The following DDX49 variants were observed in gnomAD, a reference collection of about 807,000 sequenced individuals.
DDX49 encodes DEAD-box helicase 49.
Under a neutral mutation model 56.3 loss-of-function variants are expected in DDX49, and 50 were observed. The ratio of observed to expected loss-of-function variants is 0.89; its 90% confidence interval spans 0.71 to 1.12. The LOEUF (loss-of-function observed/expected upper bound fraction) is 1.12. Among genes scored for constraint, DDX49 ranks in the 50% most tolerant of loss-of-function variants. The pLI, the probability that DDX49 is intolerant of heterozygous loss-of-function variation, is 0.00. For missense variants in DDX49, 614 were observed against 650.5 expected (o/e 0.94, Z 0.61); for synonymous variants, 269 against 270.6 (o/e 0.99, Z 0.06).
At chr19:18,926,269 C>A in intron 9 of DDX49, 34 bp from the exon 10 acceptor site, 2 of 1,558,892 alleles carry the variant, frequency 1.3e-6, no homozygotes, top group Non-Finnish European at 1.7e-6. Flanking sequence ...TCCTGACGCC[C>A]AGCACATAGC....
chr19:18,928,558 C>A lies in DDX49; in HGVS notation c.*242C>A. The A allele has an allele frequency of 1.9e-6, 1 of 520,556 alleles. No homozygotes were observed. Among genetic ancestry groups the A allele is most frequent in the South Asian group, 2.8e-5 (1 of 35,508 alleles). The allele number at this position is 520,556 out of a possible 1,614,324, so 32.2% of individuals were successfully genotyped here. On this transcript the variant is annotated 3_prime_UTR_variant, in exon 13 of 13. Coordinates refer to ENST00000247003, the MANE Select transcript of DDX49 (RefSeq NM_019070.5). Reference sequence around the variant, plus strand: ...AAGAACATGACCGGGAGGTTGTGACCCCAACCCAAGGTCACCCCCCAGGGG... The same window carrying A: ...AAGAACATGACCGGGAGGTTGTGACACCAACCCAAGGTCACCCCCCAGGGG...
chr19:18,921,722 A>G lies in DDX49; in HGVS notation c.299A>G (p.Lys100Arg), dbSNP rs2056918621. 1 of 1,614,054 alleles carries G rather than the reference A, an allele frequency of 6.2e-7. No homozygotes were observed. Among genetic ancestry groups the G allele is most frequent in the Non-Finnish European group, 8.5e-7 (1 of 1,180,008 alleles). The change falls in exon 3 of 13, where the codon AAA becomes AGA. Residue 100 changes from lysine to arginine, a missense_variant. Lys to Arg is a conservative substitution (Grantham distance 26, BLOSUM62 2). Transcript: ENST00000247003. ...FRVLGKPLGL[K>R]DCIIVGGMDM... is the part of the protein sequence containing the mutation. ...GTCCTGGGGAAGCCTCTAGGGCTGA[A>G]AGACTGCATCATCGTCGGTGGCATG...
At chr19:18,925,079 G>A (rs1339698496) in intron 9 of DDX49, 100 bp downstream of exon 9, 3 of 1,449,074 alleles carry the variant, frequency 2.1e-6, no homozygotes, top group South Asian at 1.3e-5. Flanking sequence ...GCCCACAGAT[G>A]AGAGCTACTC....
chr19:18,921,802 G>A (rs2056919486), intron 3 of DDX49, 41 bp from the exon 4 acceptor site: 9 of 1,614,058 alleles, frequency 5.6e-6, no homozygotes, highest in Non-Finnish European at 5.9e-6. Context: ...AGCAGCTTTG[G>A]ACCACCTGCC....
chr19:18,926,439 C>A, intron 10 of DDX49, 62 bp downstream of exon 10: 2 of 769,922 alleles, frequency 2.6e-6, no homozygotes, highest in South Asian at 3.0e-5. Context: ...GTGGGCACCT[C>A]GGGGTGAGAC....
At chr19:18,919,960 A>G in intron 1 of DDX49, 104 bp downstream of exon 1, 1 of 848,914 alleles carries the variant, frequency 1.2e-6, no homozygotes, top group Non-Finnish European at 1.8e-6. Context: ...GCGAGGGGCA[A>G]CCTCGGGCGT....
At chr19:18,921,619 C>G in intron 2 of DDX49, 44 bp from the exon 3 acceptor site, 1 of 1,582,722 alleles carries the variant, frequency 6.3e-7, no homozygotes, top group Non-Finnish European at 8.7e-7. Flanking sequence ...GGGGGCAGGT[C>G]CAGAACCACT....
intron 1 of DDX49, 110 bp from the exon 2 acceptor site, chr19:18,920,470 A>G (rs1335120137): frequency 4.2e-6 from 5 of 1,198,680 alleles, no homozygotes; most frequent in Non-Finnish European, 5.8e-6. Context: ...TCAAATGGAT[A>G]TGGGTTCCAG....
intron 10 of DDX49, 92 bp from the exon 11 acceptor site, chr19:18,927,674 C>G (rs1449287329): frequency 8.2e-6 from 9 of 1,092,488 alleles, no homozygotes; most frequent in Non-Finnish European, 1.1e-5. Context: ...CCTTGCATAC[C>G]CCACAGCATG....
chr19:18,920,007 G>C, intron 1 of DDX49, 151 bp downstream of exon 1: 1 of 568,260 alleles, frequency 1.8e-6, no homozygotes, highest in Non-Finnish European at 3.1e-6. Flanking sequence ...CGACTGGACA[G>C]TGTTGGCATT....
At position 18,919,750 on chromosome 19, in the gene DDX49, C is replaced by T; in HGVS notation, c.9C>T (p.Gly3=). MA[G]FAELGLSSWL... is the part of the protein sequence containing the mutation. Reference sequence around the variant, plus strand: ...TACAAGCGGCCACAAGGATGGCAGGCTTCGCGGAGCTCGGGCTGTCATCGT... The same window carrying T: ...TACAAGCGGCCACAAGGATGGCAGGTTTCGCGGAGCTCGGGCTGTCATCGT... The change falls in exon 1 of 13, where the codon GGC becomes GGT. Residue 3 remains glycine (G), a synonymous_variant. Transcript: ENST00000247003. The T allele has an allele frequency of 6.2e-7, 1 of 1,610,258 alleles. No homozygotes were observed. Among genetic ancestry groups the T allele is most frequent in the Non-Finnish European group, 8.5e-7 (1 of 1,177,186 alleles).
At chr19:18,926,700 A>C (rs2056964074) in intron 10 of DDX49, among the ~76,000 whole-genome samples, 1 of 152,154 alleles carries the variant, frequency 6.6e-6, no homozygotes, top group African/African-American at 2.4e-5. Flanking sequence ...ACCCCTGGGA[A>C]TGGTTTCATA....
Position 18,924,622 on chromosome 19 carries a change from GA to G in DDX49, c.855del (p.Glu286AsnfsTer6). On this transcript the variant is annotated frameshift_variant and splice_region_variant, in exon 8 of 13. Coordinates refer to ENST00000247003, the MANE Select transcript of DDX49 (RefSeq NM_019070.5). LOFTEE classifies it high-confidence loss of function. ...TVALHSMMKQKERFAALAKFK... is the reference protein window; with the variant it reads ...TVALHSMMKQXERFAALAKFK... ...CCAATTTTCTTCCCAACCCTGTGCA[GA>G]AAGAACGCTTTGCCGCCCTAGCCAA... 6.2e-7 allele frequency: 1 copy of G among 1,614,196 alleles called. No homozygotes were observed. The highest frequency in any genetic ancestry group is 8.5e-7 in the Non-Finnish European group (1 of 1,180,040).
At position 18,928,365 on chromosome 19, in the gene DDX49, G is replaced by GA. The variant is rs1409548772; in HGVS notation, c.*49_*50insA. 3.4e-6 allele frequency: 5 copies of GA among 1,451,386 alleles called. No individual in the cohort carries two copies. The South Asian group carries it at 7.2e-5, about 21-fold the overall frequency. The allele number at this position is 1,451,386 out of a possible 1,614,324, so 89.9% of individuals were successfully genotyped here. A position where few individuals can be genotyped will look rare whatever the true frequency, so the allele number is the denominator to read the frequency against. On this transcript the variant is annotated 3_prime_UTR_variant, in exon 13 of 13. Transcript: ENST00000247003. The stretch of plus-strand genomic sequence containing the variant: ...TCCTTGACTCGTCCATGGAGCTGAG[G>GA]GTCGGAGGAACCTTCCTTGGGGGCA...
chr19:18,925,603 TAAAGC>T (rs2145105431), intron 9 of DDX49, among the ~76,000 whole-genome samples: 1 of 152,270 alleles, frequency 6.6e-6, no homozygotes, highest in East Asian at 1.9e-4. Flanking sequence ...AATTGTAAAA[TAAAGC>T]AAATGCAAGT....
intron 7 of DDX49, 60 bp from the exon 8 acceptor site, chr19:18,924,563 G>A: frequency 6.3e-7 from 1 of 1,579,082 alleles, no homozygotes; most frequent in Non-Finnish European, 8.7e-7. Context: ...CCTGTCCCGA[G>A]GCCTCACACA....
chr19:18,925,284 G>A (rs920236595), intron 9 of DDX49: 5 of 289,458 alleles, frequency 1.7e-5, no homozygotes, highest in South Asian at 1.1e-4. Context: ...GGCCAGGTGC[G>A]GTGGCTCACG....
Position 18,922,587 on chromosome 19 carries a change from T to A in DDX49, c.636-17T>A. ...ACAGGGACACTGAGGCGTGGCGGTC[T>A]ATCTGTCCATCCCCAGGGTGAGCAC... On this transcript the variant is annotated splice_polypyrimidine_tract_variant and intron_variant, in intron 5 of 12. Coordinates refer to ENST00000247003, the MANE Select transcript of DDX49 (RefSeq NM_019070.5). The A allele has an allele frequency of 6.2e-7, 1 of 1,606,144 alleles. No homozygotes were observed. The highest frequency in any genetic ancestry group is 8.5e-7 in the Non-Finnish European group (1 of 1,175,062).
At chr19:18,924,549 C>T in intron 7 of DDX49, 74 bp from the exon 8 acceptor site, 2 of 1,534,536 alleles carry the variant, frequency 1.3e-6, no homozygotes, top group Non-Finnish European at 1.8e-6. Flanking sequence ...GTCCCGGCCT[C>T]CACCCTGTCC....
Sources: gnomAD v4.1 joint callset for allele counts (sites outside exome capture counted in the v4.1 genomes callset) on GRCh38, gnomAD v4.1.1 for gene constraint, MANE v1.5 for transcripts, NCBI Gene and HGNC (gene_info 2026-07-23, HGNC 2026-07-21) for gene names.